The following DAPK1 variants were observed in gnomAD, a reference collection of about 807,000 sequenced individuals.
DAPK1 encodes death associated protein kinase 1.
In DAPK1, 56 loss-of-function variants were observed where a neutral mutation model predicts 144.9. The ratio of observed to expected loss-of-function variants is 0.39; its 90% CI spans 0.31 to 0.48. The LOEUF is 0.48. Among genes scored for constraint, DAPK1 ranks in the 20% least tolerant of loss-of-function variants. The pLI is 0.95. For missense variants in DAPK1, 1,454 were observed against 1,875.4 expected (o/e 0.78, Z 4.15); for synonymous variants, 690 against 749.0 (o/e 0.92, Z 1.29).
chr9:87,672,813 C>T lies in DAPK1; in HGVS notation c.2001+4139C>T, dbSNP rs150517092. Among the ~76,000 whole-genome samples, 401 of 152,280 alleles carry T rather than the reference C, an allele frequency of 2.6e-3. 3 individuals carry two copies. The highest frequency in any genetic ancestry group is 9.2e-3 in the African/African-American group (383 of 41,564). On this transcript the variant is annotated intron_variant, in intron 19 of 25. Coordinates refer to ENST00000408954, the MANE Select transcript of DAPK1 (RefSeq NM_004938.4). ...GTTATTGGAAATGACTGAGCTGTCGCGGCAGCTTCCTTGGAGAATGCATCG... is the reference window on the plus strand; with the variant it reads ...GTTATTGGAAATGACTGAGCTGTCGTGGCAGCTTCCTTGGAGAATGCATCG...
chr9:87,683,591 C>T (rs1824723148), intron 20 of DAPK1, among the ~76,000 whole-genome samples: 2 of 152,134 alleles, frequency 1.3e-5, no homozygotes, highest in Admixed American at 6.5e-5. Flanking sequence ...GCCCAGGAGC[C>T]CCCATTGTGG....
intron 11 of DAPK1, 77 bp from the exon 12 acceptor site, chr9:87,645,818 A>C (rs1830247241): frequency 5.1e-6 from 8 of 1,562,822 alleles, no homozygotes; most frequent in Non-Finnish European, 7.0e-6. Flanking sequence ...ACAAGTGAGC[A>C]CAGGTTTCTT....
At chr9:87,650,780 C>T (rs36214017) in intron 16 of DAPK1, among the ~76,000 whole-genome samples, 16,046 of 152,234 alleles carry the variant, frequency 0.11, 1,176 homozygotes, top group Admixed American at 0.21. Flanking sequence ...CTGGTTGTCA[C>T]AGCTAGAGAT....
intron 19 of DAPK1, among the ~76,000 whole-genome samples, chr9:87,670,321 C>A (rs1277559030): frequency 6.6e-6 from 1 of 152,056 alleles, no homozygotes; most frequent in South Asian, 2.1e-4. Flanking sequence ...GAATCTCACG[C>A]CTCTAGGCTG....
intron 2 of DAPK1, among the ~76,000 whole-genome samples, chr9:87,586,511 A>G (rs528493613): frequency 2.0e-5 from 3 of 152,232 alleles, no homozygotes; most frequent in Non-Finnish European, 4.4e-5. Context: ...TTACATAACT[A>G]TAACCTACTT....
intron 3 of DAPK1, among the ~76,000 whole-genome samples, chr9:87,620,239 A>G (rs1829242610): frequency 6.6e-6 from 1 of 152,154 alleles, no homozygotes; most frequent in South Asian, 2.1e-4. Context: ...CAGGTGTTTT[A>G]GAGCTCAAAG....
At position 87,706,890 on chromosome 9, in the gene DAPK1, G is replaced by C; in HGVS notation, c.3819G>C (p.Gly1273=). The C allele has an allele frequency of 6.2e-7, 1 of 1,614,010 alleles. No individual in the cohort carries two copies. The highest frequency in any genetic ancestry group is 8.5e-7 in the Non-Finnish European group (1 of 1,180,020). ...AAACCTCACTGACCAACACCATGGGGGGGTACAAGGAAAGCTTCAGCAGCA... is the reference window on the plus strand; with the variant it reads ...AAACCTCACTGACCAACACCATGGGCGGGTACAAGGAAAGCTTCAGCAGCA... The part of the protein sequence containing the change: ...LKETSLTNTM[G]GYKESFSSIM... Residue 1273 remains glycine (G), a synonymous_variant, in exon 26 of 26, where the codon GGG becomes GGC. Coordinates refer to ENST00000408954, the MANE Select transcript of DAPK1 (RefSeq NM_004938.4). The surrounding 1 kb of genome is among the most constrained non-coding windows in gnomAD (Gnocchi z 9.0).
intron 2 of DAPK1, among the ~76,000 whole-genome samples, chr9:87,558,148 C>T (rs540557376): frequency 1.3e-5 from 2 of 152,182 alleles, no homozygotes; most frequent in African/African-American, 4.8e-5. Context: ...GTCATCTTGC[C>T]AGCCCCTTGA....
chr9:87,680,087 A>AATTTATTT lies in DAPK1; in HGVS notation c.2002-1296_2002-1289dup, dbSNP rs58756761. 1.4e-3 allele frequency among the ~76,000 whole-genome samples: 207 copies of AATTTATTT among 150,914 alleles called. 1 individual carries two copies. The highest frequency in any genetic ancestry group is 4.6e-3 in the African/African-American group (188 of 41,242). On this transcript the variant is annotated intron_variant, in intron 19 of 25. Coordinates refer to ENST00000408954, the MANE Select transcript of DAPK1 (RefSeq NM_004938.4). Reference sequence around the variant, plus strand: ...GTTTAGTAATATATTAATATTTTAAAATTTATTTATTTATTTATTTATTTA... The same window carrying AATTTATTT: ...GTTTAGTAATATATTAATATTTTAAAATTTATTTATTTATTTATTTATTTATTTATTTA...
chr9:87,516,087 G>T (rs1025199865), intron 2 of DAPK1, among the ~76,000 whole-genome samples: 1 of 152,182 alleles, frequency 6.6e-6, no homozygotes, highest in African/African-American at 2.4e-5. Flanking sequence ...GGATGCAGAT[G>T]AATGTGGCCT....
At chr9:87,615,187 T>C (rs900865949) in intron 3 of DAPK1, among the ~76,000 whole-genome samples, 2 of 152,246 alleles carry the variant, frequency 1.3e-5, no homozygotes, top group African/African-American at 2.4e-5. Context: ...TCATACTGCT[T>C]TTTCCTCCTA....
In DAPK1 at chr9:87,707,300, C is replaced by T; in HGVS notation, c.4229C>T (p.Ala1410Val). Residue 1410 changes from alanine (A) to valine (V), a missense_variant, in exon 26 of 26, where the codon GCC becomes GTC. Physicochemically the swap from Ala to Val is moderately conservative, Grantham distance 64 (BLOSUM62 0). This residue lies in a region of DAPK1 where 1,025 missense variants were observed against 1,237.9 expected (regional missense o/e 0.83). Coordinates refer to ENST00000408954, the MANE Select transcript of DAPK1 (RefSeq NM_004938.4). This position sits in a 1 kb window ranked among gnomAD's most constrained non-coding sequence, Gnocchi z 4.0. The part of the protein sequence containing the change: ...KINLDGNGQE[A>V]YASSCNSGTS... The stretch of plus-strand genomic sequence containing the variant: ...AACCTGGATGGCAATGGCCAGGAGG[C>T]CTATGCCTCGAGCTGCAACAGCGGC... The T allele has an allele frequency of 6.2e-7, 1 of 1,613,218 alleles. No homozygotes were observed. The highest frequency in any genetic ancestry group is 8.5e-7 in the Non-Finnish European group (1 of 1,179,332).
In DAPK1 at chr9:87,669,763, CA is replaced by C. The variant is rs563348278; in HGVS notation, c.2001+1090del. ...ACATGTCCTGTGGTCTTGCCAGGGG[CA>C]GGGGGGGGCCACAGATTGGGATAAT... is the stretch of plus-strand genomic sequence containing the variant. On this transcript the variant is annotated intron_variant, in intron 19 of 25. Coordinates refer to ENST00000408954, the MANE Select transcript of DAPK1 (RefSeq NM_004938.4). Among the ~76,000 whole-genome samples the C allele has an allele frequency of 8.9e-4, 104 of 117,296 alleles. 1 individual carries two copies. The East Asian group carries it at 0.011, about 12-fold the overall frequency. 77.0% of individuals were successfully genotyped at this position (117,296 alleles called of 152,430 possible).
intron 3 of DAPK1, among the ~76,000 whole-genome samples, chr9:87,628,408 A>G (rs1829555334): frequency 6.6e-6 from 1 of 152,182 alleles, no homozygotes; most frequent in African/African-American, 2.4e-5. Flanking sequence ...GACCCCCTGA[A>G]TCTATTTCCA....
intron 2 of DAPK1, among the ~76,000 whole-genome samples, chr9:87,541,549 G>GAA (rs34942132): frequency 4.5e-5 from 6 of 133,360 alleles, no homozygotes; most frequent in South Asian, 2.4e-4. Context: ...ACTCTGTCTG[G>GAA]AAAAAAAAAA....
chr9:87,506,563 C>T (rs1280574663), intron 2 of DAPK1, among the ~76,000 whole-genome samples: 3 of 152,342 alleles, frequency 2.0e-5, no homozygotes, highest in East Asian at 3.9e-4. Flanking sequence ...CTGACCCGTG[C>T]ACCTACCTGC....
At chr9:87,524,690 T>G (rs1825420405) in intron 2 of DAPK1, among the ~76,000 whole-genome samples, 1 of 152,186 alleles carries the variant, frequency 6.6e-6, no homozygotes, top group South Asian at 2.1e-4. Context: ...TATATATACA[T>G]GATAGAATAC....
Position 87,639,717 on chromosome 9 carries a change from G to T in DAPK1, c.602+19G>T, listed in dbSNP as rs773177077. The T allele has an allele frequency of 2.8e-5, 45 of 1,613,516 alleles. 1 individual carries two copies. In the Middle Eastern group the frequency reaches 8.2e-4, roughly 29 times the overall value. ...ATATGTGGTAAGGAGTATGTCCTTG[G>T]TGTTGTTTGCTTTCTGATTTATTTG... On this transcript the variant is annotated intron_variant, in intron 6 of 25. Coordinates refer to ENST00000408954, the MANE Select transcript of DAPK1 (RefSeq NM_004938.4).
chr9:87,666,576 C>T (rs546908795), intron 18 of DAPK1, among the ~76,000 whole-genome samples: 9 of 150,994 alleles, frequency 6.0e-5, no homozygotes, highest in Non-Finnish European at 1.2e-4. Context: ...CAGGTTCAAG[C>T]GATTCTTATG....
Sources: allele counts gnomAD v4.1 joint callset (sites outside exome capture counted in the v4.1 genomes callset), GRCh38; gene constraint gnomAD v4.1.1; regional missense constraint gnomAD v4.1.1; non-coding constraint Gnocchi (gnomAD v3.1); transcripts MANE v1.5; gene names NCBI Gene and HGNC (gene_info 2026-07-23, HGNC 2026-07-21).